Variants in STRIP2 observed in about 807,000 individuals in gnomAD.
STRIP2 encodes striatin-interacting protein 2.
A neutral mutation model predicts 107.1 loss-of-function variants in STRIP2; 84 were observed. The ratio of observed to expected loss-of-function variants is 0.78; its 90% CI spans 0.66 to 0.94. The LOEUF (loss-of-function observed/expected upper bound fraction) is 0.94. STRIP2 is among the 40% of genes least tolerant of loss of function. The pLI is 0.00. For synonymous variants in STRIP2, 394 were observed against 400.4 expected, an observed-to-expected ratio of 0.98 and a Z score of 0.19; for missense variants, 888 against 1,034.2, an observed-to-expected ratio of 0.86 and a Z score of 1.94.
intron 3 of STRIP2, among the ~76,000 whole-genome samples, chr7:129,447,769 C>A (rs1798076630): frequency 6.6e-6 from 1 of 152,178 alleles, no homozygotes; most frequent in South Asian, 2.1e-4. Flanking sequence ...TTAATTTGCT[C>A]GAGCAATGAA....
intron 18 of STRIP2, 152 bp downstream of exon 18, chr7:129,470,867 T>G: frequency 1.5e-6 from 1 of 667,106 alleles, no homozygotes. Context: ...GCAGCAGGGG[T>G]TTAGAGTTGC....
At chr7:129,449,126 A>G (rs540152580) in intron 3 of STRIP2, among the ~76,000 whole-genome samples, 1 of 152,332 alleles carries the variant, frequency 6.6e-6, no homozygotes, top group African/African-American at 2.4e-5. Flanking sequence ...TAACTCCCCA[A>G]GCTGCAACAT....
chr7:129,455,506 G>T, intron 8 of STRIP2, 135 bp downstream of exon 8: 2 of 1,053,294 alleles, frequency 1.9e-6, no homozygotes, highest in South Asian at 3.5e-5. Flanking sequence ...TAATATGGAG[G>T]GGCAACAAGG....
At chr7:129,437,896 C>G (rs186261885) in intron 1 of STRIP2, among the ~76,000 whole-genome samples, 31 of 151,676 alleles carry the variant, frequency 2.0e-4, no homozygotes, top group Non-Finnish European at 3.4e-4. Flanking sequence ...AGCTCTGCCT[C>G]CCGGGTTCAC....
chr7:129,453,396 A>C, intron 5 of STRIP2, 49 bp downstream of exon 5: 12 of 1,609,358 alleles, frequency 7.5e-6, no homozygotes, highest in Non-Finnish European at 1.0e-5. Flanking sequence ...CCATTCCTTA[A>C]AGGGGCCTCA....
intron 1 of STRIP2, among the ~76,000 whole-genome samples, chr7:129,437,816 T>G (rs1345414930): frequency 1.3e-5 from 2 of 150,526 alleles, no homozygotes; most frequent in East Asian, 1.9e-4. Flanking sequence ...TTTTTGTTTT[T>G]TTTTTTTTTG....
rs1222346139 is a variant in STRIP2 at position 129,486,922 on chromosome 7, T to G, written c.*1093T>G. On this transcript the variant is annotated 3_prime_UTR_variant, in exon 21 of 21. Coordinates refer to ENST00000249344, the MANE Select transcript of STRIP2 (RefSeq NM_020704.3). ...ATACCAGCCTCTTTATATTTCTCTT[T>G]TACAGCAGAATCACATACTTCTCAA... The G allele has an allele frequency of 6.6e-6, 1 of 151,992 alleles. No individual in the cohort carries two copies. The highest frequency in any genetic ancestry group is 2.4e-5 in the African/African-American group (1 of 41,406). 9.4% of individuals were successfully genotyped at this position (151,992 alleles called of 1,614,324 possible). A position where few individuals can be genotyped will look rare whatever the true frequency, so the allele number is the denominator to read the frequency against.
rs780583151 is a variant in STRIP2, at chr7:129,482,955, G to T, written c.2163G>T (p.Gly721=). Residue 721 remains glycine, a synonymous_variant, in exon 20 of 21, where the codon GGG becomes GGT. Coordinates refer to ENST00000249344, the MANE Select transcript of STRIP2 (RefSeq NM_020704.3). ...KLLKLQTKYL[G]RQWRKSNMKT... ...TAAAGTTACAGACCAAGTACCTGGG[G>T]CGCCAATGGAGGAAAAGCAACATGA... 3.0e-5 allele frequency: 48 copies of T among 1,614,032 alleles called. No homozygotes were observed. In the Admixed American group the frequency reaches 5.8e-4, roughly 20 times the overall value.
At chr7:129,435,878 A>G (rs1469697848) in intron 1 of STRIP2, among the ~76,000 whole-genome samples, 1 of 152,146 alleles carries the variant, frequency 6.6e-6, no homozygotes, top group Non-Finnish European at 1.5e-5. Flanking sequence ...TCAGTTTCCA[A>G]AGTGATTTCA....
intron 18 of STRIP2, among the ~76,000 whole-genome samples, chr7:129,479,398 T>C (rs936823804): frequency 1.3e-5 from 2 of 152,012 alleles, no homozygotes; most frequent in Admixed American, 1.3e-4. Context: ...GAAAGTCCCA[T>C]AGAAGTTTTC....
intron 20 of STRIP2, among the ~76,000 whole-genome samples, chr7:129,484,876 G>A (rs1799207688): frequency 6.6e-6 from 1 of 152,176 alleles, no homozygotes; most frequent in Non-Finnish European, 1.5e-5. Context: ...CTTGCATGTA[G>A]AACATGAGAG....
chr7:129,469,108 G>A (rs1046848092), intron 17 of STRIP2, among the ~76,000 whole-genome samples: 2 of 152,204 alleles, frequency 1.3e-5, no homozygotes, highest in Non-Finnish European at 2.9e-5. Context: ...GTGGCTAGGG[G>A]AGTGGTATAC....
rs923709293 is a variant in STRIP2 at position 129,486,964 on chromosome 7, A to T, written c.*1135A>T. Reference sequence around the variant, plus strand: ...ACTTCTCAAGATAAACAAGGTTTTTAAAAAAGTTTCTGATTTAGTTAGGAT... The same window carrying T: ...ACTTCTCAAGATAAACAAGGTTTTTTAAAAAGTTTCTGATTTAGTTAGGAT... On this transcript the variant is annotated 3_prime_UTR_variant, in exon 21 of 21. Coordinates refer to ENST00000249344, the MANE Select transcript of STRIP2 (RefSeq NM_020704.3). The T allele has an allele frequency of 5.5e-5, 8 of 145,264 alleles. No individual in the cohort carries two copies. The highest frequency in any genetic ancestry group is 9.0e-5 in the Non-Finnish European group (6 of 66,882). The allele number at this position is 145,264 out of a possible 1,614,324, so 9.0% of individuals were successfully genotyped here.
chr7:129,456,144 TTTTTTC>T (rs1228753020), intron 8 of STRIP2, among the ~76,000 whole-genome samples: 5 of 104,974 alleles, frequency 4.8e-5, no homozygotes, highest in Non-Finnish European at 9.5e-5. Flanking sequence ...ATAGTTTCTT[TTTTTTC>T]TTTTTTTTTT....
At chr7:129,460,770 G>A (rs1281772365) in intron 13 of STRIP2, among the ~76,000 whole-genome samples, 1 of 152,208 alleles carries the variant, frequency 6.6e-6, no homozygotes, top group African/African-American at 2.4e-5. Flanking sequence ...CTTAGCAAGG[G>A]GAAAGCAGGC....
Position 129,483,920 on chromosome 7 carries a change from T to G in STRIP2, c.2254+874T>G, listed in dbSNP as rs1214238362. On this transcript the variant is annotated intron_variant, in intron 20 of 20. Coordinates refer to ENST00000249344, the MANE Select transcript of STRIP2 (RefSeq NM_020704.3). The surrounding 1 kb of genome is among the most constrained non-coding windows in gnomAD (Gnocchi z 5.1). Reference sequence around the variant, plus strand: ...CTACACCCGGCTAATTTTTCAAATTTTTTTGTAGAGATGGAGTCTCTCCCT... The same window carrying G: ...CTACACCCGGCTAATTTTTCAAATTGTTTTGTAGAGATGGAGTCTCTCCCT... Among the ~76,000 whole-genome samples the G allele has an allele frequency of 1.3e-5, 2 of 152,002 alleles. No individual in the cohort carries two copies. The highest frequency in any genetic ancestry group is 2.1e-4 in the South Asian group (1 of 4,820).
intron 20 of STRIP2, chr7:129,484,641 G>A (rs944719691): frequency 1.3e-5 from 2 of 152,194 alleles, no homozygotes; most frequent in Non-Finnish European, 2.9e-5. Flanking sequence ...TTGTGGTGCT[G>A]AGGGACTGTC....
chr7:129,469,711 A>G (rs1798748655), intron 17 of STRIP2, among the ~76,000 whole-genome samples: 1 of 152,240 alleles, frequency 6.6e-6, no homozygotes, highest in Non-Finnish European at 1.5e-5. Context: ...AAAGGTAAAC[A>G]TTTCTGGCCA....
Position 129,483,305 on chromosome 7 carries a change from C to T in STRIP2, c.2254+259C>T. 1 of 1,202,286 alleles carries T rather than the reference C, an allele frequency of 8.3e-7. No homozygotes were observed. Among genetic ancestry groups the T allele is most frequent in the Non-Finnish European group, 1.0e-6 (1 of 962,948 alleles). 74.5% of individuals were successfully genotyped at this position (1,202,286 alleles called of 1,614,324 possible). A position where few individuals can be genotyped will look rare whatever the true frequency, so the allele number is the denominator to read the frequency against. ...GAGATAATTAATTGCCTTTCCAAAA[C>T]ATTCTTTTAAATGACAGCTTTCTCC... is the stretch of plus-strand genomic sequence containing the variant. On this transcript the variant is annotated intron_variant, in intron 20 of 20. Coordinates refer to ENST00000249344, the MANE Select transcript of STRIP2 (RefSeq NM_020704.3). The surrounding 1 kb of genome is among the most constrained non-coding windows in gnomAD (Gnocchi z 5.1).
Sources: allele counts gnomAD v4.1 joint callset (sites outside exome capture counted in the v4.1 genomes callset), GRCh38; gene constraint gnomAD v4.1.1; non-coding constraint Gnocchi (gnomAD v3.1); transcripts MANE v1.5; gene names NCBI Gene and HGNC (gene_info 2026-07-23, HGNC 2026-07-21).